CNTNAP2: variants seen among roughly 807,000 people sequenced by gnomAD.
The protein encoded by CNTNAP2 is contactin associated protein 2, also known as contactin-associated protein-like 2.
Under a neutral mutation model 155.2 loss-of-function variants are expected in CNTNAP2, and 98 were observed. The observed-to-expected ratio is 0.63, with a 90% confidence interval of 0.54 to 0.75. CNTNAP2 has a LOEUF of 0.75. Among genes scored for constraint, CNTNAP2 ranks in the 30% least tolerant of loss-of-function variants. CNTNAP2 has a pLI of 0.00. For synonymous variants in CNTNAP2, 651 were observed against 631.2 expected, an observed-to-expected ratio of 1.03 and a Z score of -0.47; for missense variants, 1,727 against 1,688.1, an observed-to-expected ratio of 1.02 and a Z score of -0.40.
At chr7:147,020,495 A>T (rs957032067) in intron 3 of CNTNAP2, among the ~76,000 whole-genome samples, 1 of 152,116 alleles carries the variant, frequency 6.6e-6, no homozygotes, top group Non-Finnish European at 1.5e-5. Context: ...TCTCCTTGTT[A>T]TATGGAGTTC....
intron 1 of CNTNAP2, among the ~76,000 whole-genome samples, chr7:146,143,257 A>C (rs1295694011): frequency 3.3e-5 from 5 of 152,204 alleles, no homozygotes; most frequent in Non-Finnish European, 7.3e-5. Flanking sequence ...TTATTATGCC[A>C]GTTTAAAAGT....
At chr7:147,441,302 CT>C (rs1797632417) in intron 10 of CNTNAP2, among the ~76,000 whole-genome samples, 1 of 152,052 alleles carries the variant, frequency 6.6e-6, no homozygotes, top group Non-Finnish European at 1.5e-5. Flanking sequence ...TTCTGCTTAA[CT>C]TTTTAATTAT....
intron 1 of CNTNAP2, among the ~76,000 whole-genome samples, chr7:146,205,838 A>G (rs1798938462): frequency 6.6e-6 from 1 of 151,900 alleles, no homozygotes; most frequent in Non-Finnish European, 1.5e-5. Flanking sequence ...GTTCCTTAAG[A>G]TTAAGTTTTG....
chr7:147,811,951 AG>A (rs1425985214), intron 13 of CNTNAP2, among the ~76,000 whole-genome samples: 2 of 152,238 alleles, frequency 1.3e-5, no homozygotes, highest in Non-Finnish European at 2.9e-5. Context: ...AACATTAAGT[AG>A]GTACTATGTC....
At chr7:147,019,067 A>T (rs1290403837) in intron 3 of CNTNAP2, among the ~76,000 whole-genome samples, 1 of 152,092 alleles carries the variant, frequency 6.6e-6, no homozygotes, top group Non-Finnish European at 1.5e-5. Flanking sequence ...GTTAAAAAAT[A>T]TAGTTTATGG....
chr7:146,178,210 T>C lies in CNTNAP2; in HGVS notation c.97+61237T>C, dbSNP rs1192125550. 2.6e-5 allele frequency among the ~76,000 whole-genome samples: 4 copies of C among 152,088 alleles called. No homozygotes were observed. In the East Asian group the frequency reaches 5.8e-4, roughly 22 times the overall value. On this transcript the variant is annotated intron_variant, in intron 1 of 23. Coordinates refer to ENST00000361727, the MANE Select transcript of CNTNAP2 (RefSeq NM_014141.6). Reference sequence around the variant, plus strand: ...CACCATGCCCGGCTAATTTTTTGTATTTTTAGTAGAGACGGAGTTTCACCG... The same window carrying C: ...CACCATGCCCGGCTAATTTTTTGTACTTTTAGTAGAGACGGAGTTTCACCG...
At chr7:147,802,385 A>G (rs1798014717) in intron 13 of CNTNAP2, among the ~76,000 whole-genome samples, 1 of 151,966 alleles carries the variant, frequency 6.6e-6, no homozygotes, top group African/African-American at 2.4e-5. Context: ...GCGGCCGGGC[A>G]GAGGCTGCAA....
intron 20 of CNTNAP2, among the ~76,000 whole-genome samples, chr7:148,245,972 T>A (rs1796255021): frequency 2.0e-5 from 3 of 152,180 alleles, no homozygotes; most frequent in Admixed American, 2.0e-4. Flanking sequence ...AAACATAGCA[T>A]TAAAAAGCTT....
At chr7:147,823,482 G>C (rs1280125028) in intron 13 of CNTNAP2, among the ~76,000 whole-genome samples, 2 of 152,076 alleles carry the variant, frequency 1.3e-5, no homozygotes, top group Non-Finnish European at 2.9e-5. Flanking sequence ...ATAATGGGGA[G>C]GTTAAGACAT....
chr7:146,873,763 A>G (rs562348128), intron 3 of CNTNAP2, among the ~76,000 whole-genome samples: 3 of 152,216 alleles, frequency 2.0e-5, no homozygotes, highest in East Asian at 3.9e-4. Context: ...TAATGATTAC[A>G]ATTTGAGGGG....
chr7:146,222,583 C>A (rs1799224601), intron 1 of CNTNAP2, among the ~76,000 whole-genome samples: 1 of 145,344 alleles, frequency 6.9e-6, no homozygotes, highest in Non-Finnish European at 1.5e-5. Context: ...TGTGCGTGCA[C>A]ATGTATGTAG....
At chr7:146,257,174 A>G (rs1275485751) in intron 1 of CNTNAP2, among the ~76,000 whole-genome samples, 1 of 152,208 alleles carries the variant, frequency 6.6e-6, no homozygotes, top group Non-Finnish European at 1.5e-5. Context: ...ATTCTGCTGT[A>G]AGAGAGTGAA....
At chr7:146,340,287 T>C (rs1801358763) in intron 1 of CNTNAP2, among the ~76,000 whole-genome samples, 1 of 103,032 alleles carries the variant, frequency 9.7e-6, no homozygotes. Flanking sequence ...GTTGTTGTTG[T>C]TTTTTTTTTT....
intron 3 of CNTNAP2, among the ~76,000 whole-genome samples, chr7:146,894,587 G>C (rs1007077050): frequency 1.3e-5 from 2 of 152,098 alleles, no homozygotes; most frequent in African/African-American, 4.8e-5. Context: ...TCAATTTAAA[G>C]TGATAACTTT....
intron 1 of CNTNAP2, among the ~76,000 whole-genome samples, chr7:146,453,914 C>T (rs970073400): frequency 2.0e-5 from 3 of 151,844 alleles, no homozygotes; most frequent in African/African-American, 7.3e-5. Flanking sequence ...AGCTATGGGG[C>T]AACTTGGGGT....
chr7:147,739,700 T>A (rs1411373788), intron 13 of CNTNAP2, among the ~76,000 whole-genome samples: 1 of 152,124 alleles, frequency 6.6e-6, no homozygotes, highest in East Asian at 1.9e-4. Context: ...TGTGTTCCTA[T>A]GAGAATTTCC....
At chr7:146,339,796 G>T (rs956786903) in intron 1 of CNTNAP2, among the ~76,000 whole-genome samples, 3 of 151,878 alleles carry the variant, frequency 2.0e-5, no homozygotes, top group Non-Finnish European at 4.4e-5. Flanking sequence ...TACTCTTTTC[G>T]TGCAATGGTC....
In CNTNAP2 at chr7:148,139,125, C is replaced by A. The variant is rs377422684; in HGVS notation, c.2555-8366C>A. Among the ~76,000 whole-genome samples the A allele has an allele frequency of 2.0e-5, 3 of 152,146 alleles. No homozygotes were observed. In the South Asian group the frequency reaches 6.2e-4, roughly 32 times the overall value. On this transcript the variant is annotated intron_variant, in intron 16 of 23. Transcript: ENST00000361727. ...ATACTTCTTATACTCAAGAGGTTAT[C>A]GAGATACCAGAGATTTTAAAATGAG...
intron 1 of CNTNAP2, among the ~76,000 whole-genome samples, chr7:146,732,976 T>C (rs963842178): frequency 6.6e-6 from 1 of 152,130 alleles, no homozygotes; most frequent in African/African-American, 2.4e-5. Context: ...AGGGTGAAAG[T>C]GTGACTGTGT....
Sources: gnomAD v4.1 joint callset for allele counts (sites outside exome capture counted in the v4.1 genomes callset) on GRCh38, gnomAD v4.1.1 for gene constraint, MANE v1.5 for transcripts, NCBI Gene and HGNC (gene_info 2026-07-23, HGNC 2026-07-21) for gene names.